The following LHX9 variants were observed in gnomAD, a reference collection of about 807,000 sequenced individuals.
LHX9 encodes LIM/homeobox protein Lhx9.
Under a neutral mutation model 36.5 loss-of-function variants are expected in LHX9, and 9 were observed. The ratio of observed to expected loss-of-function variants is 0.25; its 90% CI spans 0.15 to 0.43. The LOEUF is 0.43. Among genes scored for constraint, LHX9 ranks in the 20% least tolerant of loss-of-function variants. LHX9 has a pLI of 1.00. For missense variants in LHX9, 464 were observed against 526.4 expected (o/e 0.88, Z 1.16); for synonymous variants, 211 against 212.1 (o/e 0.99, Z 0.04).
Position 197,932,072 on chromosome 1 carries a change from A to C in LHX9, c.*2813A>C, listed in dbSNP as rs1265057479. 2.4e-6 allele frequency: 2 copies of C among 819,766 alleles called. No individual in the cohort carries two copies. Among genetic ancestry groups the C allele is most frequent in the African/African-American group, 1.9e-5 (1 of 52,840 alleles). 50.8% of individuals were successfully genotyped at this position (819,766 alleles called of 1,614,324 possible). On this transcript the variant is annotated 3_prime_UTR_variant, in exon 5 of 5. Transcript: ENST00000367387. Reference sequence around the variant, plus strand: ...ATAATCATACATTAAAAAATTTATTAAGCCAAAAAAAAAGAGAGAGAGAGA... The same window carrying C: ...ATAATCATACATTAAAAAATTTATTCAGCCAAAAAAAAAGAGAGAGAGAGA...
chr1:197,925,497 A>G (rs532413742), intron 3 of LHX9, among the ~76,000 whole-genome samples: 1 of 148,250 alleles, frequency 6.7e-6, no homozygotes, highest in Non-Finnish European at 1.5e-5. Flanking sequence ...GAGTTGAAGA[A>G]CCCTCCGATG....
chr1:197,918,996 G>A (rs1027036988), intron 1 of LHX9, among the ~76,000 whole-genome samples: 12 of 152,296 alleles, frequency 7.9e-5, no homozygotes, highest in Admixed American at 5.2e-4. Context: ...TCAGTGCCGG[G>A]GCCCCTGGTC....
chr1:197,919,215 G>C (rs1437267642), intron 1 of LHX9, among the ~76,000 whole-genome samples: 1 of 152,236 alleles, frequency 6.6e-6, no homozygotes, highest in Non-Finnish European at 1.5e-5. Flanking sequence ...GGGGCATCCC[G>C]AGTCGGGTCA....
chr1:197,924,219 C>A lies in LHX9; in HGVS notation c.733+2560C>A, dbSNP rs189983011. On this transcript the variant is annotated intron_variant, in intron 3 of 4. Coordinates refer to ENST00000367387, the MANE Select transcript of LHX9 (RefSeq NM_020204.3). ...AGTTTTAACTCGTTATTTTAGCCTT[C>A]TTTGGATTTTGTCTTGCTATCTTTC... Among the ~76,000 whole-genome samples, 142 of 152,288 alleles carry A rather than the reference C, an allele frequency of 9.3e-4. 1 individual carries two copies. Among genetic ancestry groups the A allele is most frequent in the Admixed American group, 1.7e-3 (26 of 15,308 alleles).
At chr1:197,925,945 T>G (rs760823944) in intron 3 of LHX9, among the ~76,000 whole-genome samples, 2 of 152,206 alleles carry the variant, frequency 1.3e-5, no homozygotes, top group Admixed American at 1.3e-4. Flanking sequence ...CAAAGTTGAA[T>G]ATGGTATAGT....
At chr1:197,920,974 T>G (rs375902334) in intron 2 of LHX9, among the ~76,000 whole-genome samples, 2 of 152,240 alleles carry the variant, frequency 1.3e-5, no homozygotes, top group African/African-American at 4.8e-5. Context: ...TCACTTGGCA[T>G]GGCAATTTAA....
chr1:197,918,896 A>T (rs977412650), intron 1 of LHX9: 2 of 151,360 alleles, frequency 1.3e-5, no homozygotes, highest in African/African-American at 4.9e-5. Context: ...GCCCAAACTA[A>T]TCAGGAGACT....
chr1:197,918,630 C>T (rs1202481639), intron 1 of LHX9: 2 of 518,854 alleles, frequency 3.9e-6, no homozygotes, highest in African/African-American at 1.9e-5. Flanking sequence ...TCAAATAAAA[C>T]ATACGGAGGA....
At chr1:197,913,605 G>A (rs1294316069), upstream of LHX9, among the ~76,000 whole-genome samples, 2 of 152,150 alleles carry the variant, frequency 1.3e-5, no homozygotes, top group African/African-American at 4.8e-5. Flanking sequence ...AGCGCAGCCC[G>A]GGCATCCAGG....
upstream of LHX9, chr1:197,912,576 G>C (rs987002637): frequency 1.2e-6 from 2 of 1,613,818 alleles, no homozygotes; most frequent in Admixed American, 3.3e-5. Context: ...TATGTGCCAG[G>C]TTCCTTCTGA....
At chr1:197,912,745 T>C, upstream of LHX9, 1 of 691,918 alleles carries the variant, frequency 1.4e-6, no homozygotes, top group South Asian at 1.7e-5. Context: ...AGTCTCCTGA[T>C]AGGACTCCTG....
In LHX9 at chr1:197,929,655, A is replaced by G; in HGVS notation, c.*396A>G. On this transcript the variant is annotated 3_prime_UTR_variant, in exon 5 of 5. Coordinates refer to ENST00000367387, the MANE Select transcript of LHX9 (RefSeq NM_020204.3). ...TATTCCCACTTAAATGATTAGGTTAATAAAGAACCAGATAATTAATTAGTT... is the reference window on the plus strand; with the variant it reads ...TATTCCCACTTAAATGATTAGGTTAGTAAAGAACCAGATAATTAATTAGTT... 1.1e-6 allele frequency: 1 copy of G among 911,404 alleles called. No homozygotes were observed. The allele number at this position is 911,404 out of a possible 1,614,324, so 56.5% of individuals were successfully genotyped here.
At chr1:197,924,235 G>C (rs1476367410) in intron 3 of LHX9, among the ~76,000 whole-genome samples, 2 of 152,112 alleles carry the variant, frequency 1.3e-5, no homozygotes, top group Admixed American at 1.3e-4. Flanking sequence ...ATTTTGTCTT[G>C]CTATCTTTCA....
In LHX9 at chr1:197,921,036, A is replaced by T. The variant is rs542044149; in HGVS notation, c.378-268A>T. On this transcript the variant is annotated intron_variant, in intron 2 of 4. Transcript: ENST00000367387. This position sits in a 1 kb window ranked among gnomAD's most constrained non-coding sequence, Gnocchi z 4.6. ...GCTAACTAGTGGTTTGCTTTTTTAA[A>T]TTTTTTTTAATGTTTTAAATTTTCA... 2.4e-4 allele frequency among the ~76,000 whole-genome samples: 37 copies of T among 152,146 alleles called. No homozygotes were observed. The Middle Eastern group carries it at 0.031, about 126-fold the overall frequency.
intron 1 of LHX9, chr1:197,918,299 C>T (rs1659845047): frequency 1.4e-6 from 1 of 717,402 alleles, no homozygotes; most frequent in Non-Finnish European, 2.6e-6. Context: ...CTCAAGGTTC[C>T]CTTGATTCCG....
intron 3 of LHX9, among the ~76,000 whole-genome samples, chr1:197,923,688 C>A (rs1660063062): frequency 1.3e-5 from 2 of 152,090 alleles, no homozygotes; most frequent in Admixed American, 1.3e-4. Flanking sequence ...CGCCTTGGAT[C>A]TTCATGTTAG....
Position 197,932,984 on chromosome 1 carries a change from A to G in LHX9, c.*3725A>G, listed in dbSNP as rs1414722483. The G allele has an allele frequency of 6.6e-6, 1 of 152,060 alleles. No individual in the cohort carries two copies. The highest frequency in any genetic ancestry group is 1.5e-5 in the Non-Finnish European group (1 of 67,930). 9.4% of individuals were successfully genotyped at this position (152,060 alleles called of 1,614,324 possible). On this transcript the variant is annotated 3_prime_UTR_variant, in exon 5 of 5. Coordinates refer to ENST00000367387, the MANE Select transcript of LHX9 (RefSeq NM_020204.3). ...TACAAATATATTCTGAACTATAAAA[A>G]GATCCAATCTTTGCATAGTTCAATT...
rs1366207321 is a variant in LHX9 at position 197,931,865 on chromosome 1, C to T, written c.*2606C>T. 2 of 1,293,854 alleles carry T rather than the reference C, an allele frequency of 1.5e-6. No homozygotes were observed. Among genetic ancestry groups the T allele is most frequent in the African/African-American group, 1.5e-5 (1 of 67,856 alleles). 80.1% of individuals were successfully genotyped at this position (1,293,854 alleles called of 1,614,324 possible). Reference sequence around the variant, plus strand: ...TAAATCTAAATAGAAATTGCAGACCCCTAAAAGCCAAGTTGCTCTGTAGTT... The same window carrying T: ...TAAATCTAAATAGAAATTGCAGACCTCTAAAAGCCAAGTTGCTCTGTAGTT... On this transcript the variant is annotated 3_prime_UTR_variant, in exon 5 of 5. Transcript: ENST00000367387.
upstream of LHX9, chr1:197,916,701 C>T (rs1397259599): frequency 1.4e-6 from 1 of 702,876 alleles, no homozygotes; most frequent in Admixed American, 2.0e-5. Context: ...CAAACGCCCT[C>T]TCCACTTCGG....
Sources: gnomAD v4.1 joint callset for allele counts (sites outside exome capture counted in the v4.1 genomes callset) on GRCh38, gnomAD v4.1.1 for gene constraint, Gnocchi (gnomAD v3.1) non-coding constraint, MANE v1.5 for transcripts, NCBI Gene and HGNC (gene_info 2026-07-23, HGNC 2026-07-21) for gene names.